The following POLH variants were observed in gnomAD, a reference collection of about 807,000 sequenced individuals.
The protein encoded by POLH is DNA polymerase eta transcript.
Under a neutral mutation model 73.6 loss-of-function variants are expected in POLH, and 53 were observed. That is an observed-to-expected ratio of 0.72 (90% CI 0.58 to 0.91). The LOEUF (loss-of-function observed/expected upper bound fraction) is 0.91. Among genes scored for constraint, POLH ranks in the 40% least tolerant of loss-of-function variants. POLH has a pLI of 0.00. For synonymous variants in POLH, 292 were observed against 308.5 expected (o/e 0.95, Z 0.56); for missense variants, 768 against 865.4 (o/e 0.89, Z 1.41).
intron 5 of POLH, among the ~76,000 whole-genome samples, chr6:43,599,809 A>C (rs1343561792): frequency 6.6e-6 from 1 of 151,266 alleles, no homozygotes; most frequent in Non-Finnish European, 1.5e-5. Flanking sequence ...AAAAATTAAA[A>C]ATTATATTTT....
chr6:43,613,673 A>T lies in POLH; in HGVS notation c.1258A>T (p.Thr420Ser). 2 of 1,613,678 alleles carry T rather than the reference A, an allele frequency of 1.2e-6. No individual in the cohort carries two copies. Residue 420 changes from threonine (T) to serine (S), a missense_variant, in exon 11 of 11, where the codon ACA becomes TCA. Transcript: ENST00000372236. ...CTTTCTGTATAGGTCTCCTCCTCTC[A>T]CAATGCTTTTCCTCTGTGCTACAAA... The part of the protein sequence containing the change: ...GIQTEWSPPL[T>S]MLFLCATKFS...
At chr6:43,598,414 G>A (rs897997108) in intron 5 of POLH, among the ~76,000 whole-genome samples, 7 of 151,318 alleles carry the variant, frequency 4.6e-5, no homozygotes, top group African/African-American at 1.5e-4. Context: ...ATCACCTGAG[G>A]TCAGGAGTTC....
intron 9 of POLH, among the ~76,000 whole-genome samples, chr6:43,607,872 G>A (rs1362086723): frequency 1.3e-5 from 2 of 152,110 alleles, no homozygotes; most frequent in African/African-American, 2.4e-5. Flanking sequence ...TGGGCCGGGC[G>A]TGGTGGCTCA....
rs1418250500 is a variant in POLH at position 43,597,766 on chromosome 6, C to A, written c.561C>A (p.Asp187Glu). The A allele has an allele frequency of 6.2e-7, 1 of 1,613,726 alleles. No individual in the cohort carries two copies. The highest frequency in any genetic ancestry group is 8.5e-7 in the Non-Finnish European group (1 of 1,179,770). Reference protein sequence around the residue: ...SLQIDNLTSPDLQLTVGAVIV... With the variant: ...SLQIDNLTSPELQLTVGAVIV... ...AGATTGATAACCTCACCTCTCCAGA[C>A]CTGCAGCTCACCGTGGGAGCAGTGA... Residue 187 changes from aspartate (D) to glutamate (E), a missense_variant, in exon 5 of 11, where the codon GAC becomes GAA. Physicochemically the swap from Asp to Glu is conservative, Grantham distance 45 (BLOSUM62 2). Coordinates refer to ENST00000372236, the MANE Select transcript of POLH (RefSeq NM_006502.3).
chr6:43,588,384 CCTTT>C (rs1290919728), intron 4 of POLH: 1 of 151,808 alleles, frequency 6.6e-6, no homozygotes, highest in South Asian at 2.1e-4. Context: ...TTCCTCCCTT[CCTTT>C]CTTTTCTTTC....
In POLH at chr6:43,603,894, G is replaced by A. The variant is rs749110578; in HGVS notation, c.767G>A (p.Arg256His). The A allele has an allele frequency of 1.9e-5, 31 of 1,613,038 alleles. 2 individuals are homozygous for A. Among genetic ancestry groups the A allele is most frequent in the South Asian group, 1.8e-4 (16 of 91,062 alleles). The change falls in exon 7 of 11, where the codon CGT becomes CAT. Residue 256 changes from arginine to histidine, a missense_variant and splice_region_variant. Coordinates refer to ENST00000372236, the MANE Select transcript of POLH (RefSeq NM_006502.3). ...LFSQMPIRKI[R>H]SLGGKLGASV... is the part of the protein sequence containing the mutation. ...TTCTTTGTCTCCTTTGTTATCAGCC[G>A]TAGTCTTGGAGGAAAGCTAGGGGCC...
rs1768403774 is a variant in POLH, at chr6:43,617,167, G to A, written c.*2610G>A. Among the ~76,000 whole-genome samples the A allele has an allele frequency of 6.6e-6, 1 of 152,102 alleles. No homozygotes were observed. The highest frequency in any genetic ancestry group is 3.4e-3 in the Middle Eastern group (1 of 294). ...ATTTCCACTGCATTCCAGCCTGGGC[G>A]ATAGAGTAACTCTGTCTCAAAAAAA... is the stretch of plus-strand genomic sequence containing the variant. On this transcript the variant is annotated 3_prime_UTR_variant, in exon 11 of 11. Coordinates refer to ENST00000372236, the MANE Select transcript of POLH (RefSeq NM_006502.3).
rs1582333832 is a variant in POLH at position 43,618,539 on chromosome 6, G to A, written c.*3982G>A. 6.6e-6 allele frequency among the ~76,000 whole-genome samples: 1 copy of A among 152,156 alleles called. No individual in the cohort carries two copies. The highest frequency in any genetic ancestry group is 2.4e-5 in the African/African-American group (1 of 41,420). On this transcript the variant is annotated 3_prime_UTR_variant, in exon 11 of 11. Coordinates refer to ENST00000372236, the MANE Select transcript of POLH (RefSeq NM_006502.3). ...GTTATGGGGAAACTTGAATTACACA[G>A]GGAACCCAACTGAAGAAAATGAACT...
chr6:43,614,533 A>AT lies in POLH; in HGVS notation c.2124dup (p.Lys709Ter). On this transcript the variant is annotated frameshift_variant, in exon 11 of 11. Transcript: ENST00000372236. LOFTEE classifies it high-confidence loss of function. Reference sequence around the variant, plus strand: ...CTGAGGGCATGCAAACATTGGAATCATTTTTTAAGCCATTAACACATTAGT... The same window carrying AT: ...CTGAGGGCATGCAAACATTGGAATCATTTTTTTAAGCCATTAACACATTAGT... 1.2e-6 allele frequency: 2 copies of AT among 1,613,886 alleles called. No homozygotes were observed. Among genetic ancestry groups the AT allele is most frequent in the Non-Finnish European group, 1.7e-6 (2 of 1,180,024 alleles).
At chr6:43,595,159 T>C (rs1765898320) in intron 4 of POLH, among the ~76,000 whole-genome samples, 1 of 151,908 alleles carries the variant, frequency 6.6e-6, no homozygotes, top group Non-Finnish European at 1.5e-5. Flanking sequence ...CAGGTTTTTT[T>C]TTTTTAGTTT....
At chr6:43,612,072 C>A (rs1052245545) in intron 10 of POLH, among the ~76,000 whole-genome samples, 1 of 151,786 alleles carries the variant, frequency 6.6e-6, no homozygotes, top group Non-Finnish European at 1.5e-5. Flanking sequence ...ACAACAACAA[C>A]AAATAAATAA....
chr6:43,610,056 CTTTTT>C (rs1297780442), intron 9 of POLH, among the ~76,000 whole-genome samples: 5 of 98,496 alleles, frequency 5.1e-5, no homozygotes, highest in African/African-American at 1.6e-4. Context: ...TATATAGATT[CTTTTT>C]TTTTTTTTTT....
intron 10 of POLH, among the ~76,000 whole-genome samples, chr6:43,612,894 C>T (rs750309849): frequency 1.3e-5 from 2 of 151,348 alleles, no homozygotes; most frequent in Admixed American, 6.6e-5. Context: ...CTCTGCCTCC[C>T]GGGTTCAAGC....
rs375499031 is a variant in POLH, at chr6:43,620,450, C to G, written c.*5893C>G. On this transcript the variant is annotated 3_prime_UTR_variant, in exon 11 of 11. Coordinates refer to ENST00000372236, the MANE Select transcript of POLH (RefSeq NM_006502.3). ...TCTAATCCTGAAGAGGTATCTAGCC[C>G]TGGAAGGAAGCTGAGCCTGTAGCTA... 8.0e-6 allele frequency: 3 copies of G among 373,988 alleles called. No individual in the cohort carries two copies. Among genetic ancestry groups the G allele is most frequent in the South Asian group, 2.1e-5 (1 of 47,986 alleles). The allele number at this position is 373,988 out of a possible 1,614,324, so 23.2% of individuals were successfully genotyped here.
At position 43,587,347 on chromosome 6, in the gene POLH, G is replaced by A. The variant is rs537497046; in HGVS notation, c.348G>A (p.Glu116=). ...FAVIERASID[E]AYVDLTSAVQ... ...TGATTGAACGTGCCAGCATTGATGA[G>A]GCTTACGTAGATCTGACCAGTGCTG... Residue 116 remains glutamate, a synonymous_variant, in exon 4 of 11, where the codon GAG becomes GAA. Coordinates refer to ENST00000372236, the MANE Select transcript of POLH (RefSeq NM_006502.3). The A allele has an allele frequency of 3.7e-6, 6 of 1,614,138 alleles. No individual in the cohort carries two copies. In the South Asian group the frequency reaches 5.5e-5, roughly 15 times the overall value.
chr6:43,590,671 C>G (rs967556394), intron 4 of POLH, among the ~76,000 whole-genome samples: 1 of 151,868 alleles, frequency 6.6e-6, no homozygotes, highest in African/African-American at 2.4e-5. Context: ...ACCTGTAATC[C>G]CAGCACTTTG....
At chr6:43,598,643 A>G (rs1766383369) in intron 5 of POLH, among the ~76,000 whole-genome samples, 1 of 152,034 alleles carries the variant, frequency 6.6e-6, no homozygotes, top group Non-Finnish European at 1.5e-5. Context: ...TCAAAAAAAA[A>G]AAAAGAAAAA....
chr6:43,614,753 T>C lies in POLH; in HGVS notation c.*196T>C, dbSNP rs945280623. The C allele has an allele frequency of 1.8e-6, 1 of 565,650 alleles. No individual in the cohort carries two copies. The highest frequency in any genetic ancestry group is 3.1e-6 in the Non-Finnish European group (1 of 326,808). 35.0% of individuals were successfully genotyped at this position (565,650 alleles called of 1,614,324 possible). ...ATTCTAATCCCACTGCTGACAGAGATGTAAAAATTCATCCTACCAGAGTTT... is the reference window on the plus strand; with the variant it reads ...ATTCTAATCCCACTGCTGACAGAGACGTAAAAATTCATCCTACCAGAGTTT... On this transcript the variant is annotated 3_prime_UTR_variant, in exon 11 of 11. Transcript: ENST00000372236.
Position 43,617,322 on chromosome 6 carries a change from T to TA in POLH, c.*2766dup, listed in dbSNP as rs1266403256. ...CTATTCCCACTTAATTGTAATCTGA[T>TA]ATTAACAAGATTTCCCAATGTGGGT... On this transcript the variant is annotated 3_prime_UTR_variant, in exon 11 of 11. Transcript: ENST00000372236. Among the ~76,000 whole-genome samples, 7 of 152,094 alleles carry TA rather than the reference T, an allele frequency of 4.6e-5. No homozygotes were observed. Among genetic ancestry groups the TA allele is most frequent in the Non-Finnish European group, 1.0e-4 (7 of 68,022 alleles).
Sources: gnomAD v4.1 joint callset for allele counts (sites outside exome capture counted in the v4.1 genomes callset) on GRCh38, gnomAD v4.1.1 for gene constraint, MANE v1.5 for transcripts, NCBI Gene and HGNC (gene_info 2026-07-23, HGNC 2026-07-21) for gene names.